TG: variants seen among roughly 807,000 people sequenced by gnomAD.
The protein encoded by TG is thyroglobulin.
A neutral mutation model predicts 324.7 loss-of-function variants in TG; 270 were observed. The observed-to-expected ratio is 0.83, with a 90% CI of 0.75 to 0.92. The LOEUF (loss-of-function observed/expected upper bound fraction) is 0.92, where lower values mean the gene tolerates loss of function less well. Among genes scored for constraint, TG ranks in the 40% least tolerant of loss-of-function variants. The pLI, the probability that TG is intolerant of heterozygous loss-of-function variation, is 0.00. For synonymous variants in TG, 1,401 were observed against 1,327.0 expected, an observed-to-expected ratio of 1.06 and a Z score of -1.21; for missense variants, 3,591 against 3,456.4, an observed-to-expected ratio of 1.04 and a Z score of -0.98.
chr8:132,938,039 G>A (rs1203406831), intron 25 of TG, among the ~76,000 whole-genome samples: 8 of 152,040 alleles, frequency 5.3e-5, no homozygotes, highest in Non-Finnish European at 4.4e-5. Context: ...TCCAACTCCC[G>A]CCTCCCTCTT....
intron 43 of TG, 138 bp from the exon 44 acceptor site, chr8:133,113,284 C>G: frequency 2.1e-6 from 2 of 935,064 alleles, no homozygotes; most frequent in Non-Finnish European, 3.3e-6. Context: ...CGAACTCAGA[C>G]AGTCTGGCTT....
intron 23 of TG, among the ~76,000 whole-genome samples, chr8:132,930,018 A>G (rs868447673): frequency 9.2e-5 from 14 of 152,274 alleles, no homozygotes; most frequent in African/African-American, 3.1e-4. Context: ...CCCCCCAAGT[A>G]GTCCCCAGTG....
chr8:132,970,471 G>A (rs1587630568), intron 32 of TG, among the ~76,000 whole-genome samples: 1 of 152,144 alleles, frequency 6.6e-6, no homozygotes, highest in East Asian at 1.9e-4. Flanking sequence ...TGACCTTTAA[G>A]GAAGCTTCCC....
chr8:132,868,738 C>T (rs977452893), intron 2 of TG, among the ~76,000 whole-genome samples: 1 of 152,202 alleles, frequency 6.6e-6, no homozygotes, highest in African/African-American at 2.4e-5. Context: ...GAGCTGCTCT[C>T]TGAAAGGGGT....
At chr8:132,967,106 A>G (rs961590334) in intron 30 of TG, among the ~76,000 whole-genome samples, 1 of 138,928 alleles carries the variant, frequency 7.2e-6, no homozygotes, top group African/African-American at 2.9e-5. Flanking sequence ...CCATCCATCC[A>G]TTCGATCCAT....
chr8:133,038,687 G>A, intron 41 of TG: 4 of 1,614,136 alleles, frequency 2.5e-6, no homozygotes, highest in Non-Finnish European at 3.4e-6. Context: ...GCTGAAAAGG[G>A]ACTCGTCTAC....
intron 35 of TG, among the ~76,000 whole-genome samples, chr8:133,010,041 A>G (rs375570301): frequency 6.6e-6 from 1 of 152,312 alleles, no homozygotes; most frequent in East Asian, 1.9e-4. Flanking sequence ...CTGTATAGCT[A>G]AGAACAGGGT....
chr8:132,964,870 C>T, intron 29 of TG: 2 of 700,868 alleles, frequency 2.9e-6, no homozygotes, highest in African/African-American at 3.5e-5. Flanking sequence ...GGAATGCTAG[C>T]AGCCTGCAGG....
chr8:132,970,516 C>T (rs1829352048), intron 32 of TG, among the ~76,000 whole-genome samples: 1 of 152,208 alleles, frequency 6.6e-6, no homozygotes, highest in Admixed American at 6.5e-5. Flanking sequence ...ATTCAAGTGT[C>T]ATCCATTCAT....
At chr8:132,916,576 C>T (rs1193869760) in intron 20 of TG, among the ~76,000 whole-genome samples, 1 of 152,178 alleles carries the variant, frequency 6.6e-6, no homozygotes, top group Admixed American at 6.5e-5. Flanking sequence ...TCAGGATGGC[C>T]CCCTTGGAGG....
intron 2 of TG, 93 bp downstream of exon 2, chr8:132,868,316 A>G (rs999266573): frequency 8.7e-7 from 1 of 1,155,458 alleles, no homozygotes; most frequent in Non-Finnish European, 1.3e-6. Flanking sequence ...CTGCCCTGCA[A>G]CTCCTTTGTG....
chr8:132,893,782 C>T lies in TG; in HGVS notation c.2854C>T (p.Pro952Ser), dbSNP rs1011211792. ...TTCAGCTTCCAACAGTTCTCGGTTCCCTCTGGGGGAGAGTTTCCTGGTGGC... is the reference window on the plus strand; with the variant it reads ...TTCAGCTTCCAACAGTTCTCGGTTCTCTCTGGGGGAGAGTTTCCTGGTGGC... ...IVSASNSSRFPLGESFLVAKG... is the reference protein window; with the variant it reads ...IVSASNSSRFSLGESFLVAKG... The change falls in exon 11 of 48, where the codon CCT becomes TCT. Residue 952 changes from proline to serine, a missense_variant. By Grantham distance (74) the Pro-to-Ser change is moderately conservative. Transcript: ENST00000220616. 1 of 1,613,944 alleles carries T rather than the reference C, an allele frequency of 6.2e-7. No homozygotes were observed.
rs368149943 is a variant in TG, at chr8:133,007,886, G to A, written c.6263-4015G>A. 7.3e-5 allele frequency among the ~76,000 whole-genome samples: 11 copies of A among 151,718 alleles called. No individual in the cohort carries two copies. The East Asian group carries it at 1.4e-3, about 19-fold the overall frequency. On this transcript the variant is annotated intron_variant, in intron 35 of 47. Transcript: ENST00000220616. ...AAACCAGTCTAGGTGGCCACTCAGG[G>A]TCAGTAAAGGGGACCCATACCCCAC...
intron 21 of TG, among the ~76,000 whole-genome samples, chr8:132,920,371 A>G (rs762157711): frequency 8.5e-5 from 13 of 152,252 alleles, no homozygotes; most frequent in Non-Finnish European, 1.6e-4. Context: ...AAAACAAGTC[A>G]TCAGAAAAGA....
At chr8:132,963,985 T>C (rs758503144) in intron 29 of TG, among the ~76,000 whole-genome samples, 1 of 152,000 alleles carries the variant, frequency 6.6e-6, no homozygotes, top group Non-Finnish European at 1.5e-5. Context: ...TCCCGTTAGA[T>C]AGCAACCACT....
At chr8:133,107,874 C>G (rs1302140308) in intron 43 of TG, among the ~76,000 whole-genome samples, 2 of 152,166 alleles carry the variant, frequency 1.3e-5, no homozygotes, top group Non-Finnish European at 2.9e-5. Context: ...ATGCCCAGGG[C>G]TTGGTGTCCT....
intron 34 of TG, among the ~76,000 whole-genome samples, chr8:132,981,216 C>T (rs972042349): frequency 2.6e-5 from 4 of 152,324 alleles, no homozygotes; most frequent in East Asian, 3.9e-4. Context: ...GCTCTGCTGA[C>T]GTGAGATGCA....
chr8:132,967,139 AT>A (rs1304868095), intron 30 of TG, among the ~76,000 whole-genome samples: 6 of 146,846 alleles, frequency 4.1e-5, no homozygotes, highest in South Asian at 2.2e-4. Flanking sequence ...CCATCCATCC[AT>A]CCATCCATCC....
At position 132,962,990 on chromosome 8, in the gene TG, C is replaced by T. The variant is rs1827985308; in HGVS notation, c.5468-4C>T. On this transcript the variant is annotated splice_region_variant and splice_polypyrimidine_tract_variant and intron_variant, in intron 28 of 47. Transcript: ENST00000220616. The stretch of plus-strand genomic sequence containing the variant: ...ATTGCAACAACTCTTTTTTTTCCTC[C>T]TAGATTCTGACATGGGGTCTCGGCC... 1 of 1,613,654 alleles carries T rather than the reference C, an allele frequency of 6.2e-7. No homozygotes were observed. The highest frequency in any genetic ancestry group is 8.5e-7 in the Non-Finnish European group (1 of 1,179,706).
Sources: allele counts gnomAD v4.1 joint callset (sites outside exome capture counted in the v4.1 genomes callset), GRCh38; gene constraint gnomAD v4.1.1; transcripts MANE v1.5; gene names NCBI Gene and HGNC (gene_info 2026-07-23, HGNC 2026-07-21).